Variants in SLC38A6 observed in about 807,000 individuals in gnomAD.
SLC38A6 encodes the protein N system amino acid transporter NAT-1.
Under a neutral mutation model 65.0 loss-of-function variants are expected in SLC38A6, and 73 were observed. The ratio of observed to expected loss-of-function variants is 1.12; its 90% confidence interval spans 0.93 to 1.37. The LOEUF is 1.37. Ranked by LOEUF, SLC38A6 falls within the 40% of genes most tolerant of loss-of-function variation. SLC38A6 has a pLI of 0.00. For missense variants in SLC38A6, 561 were observed against 531.1 expected (o/e 1.06, Z -0.55); for synonymous variants, 183 against 178.8 (o/e 1.02, Z -0.19).
intron 16 of SLC38A6, among the ~76,000 whole-genome samples, chr14:61,080,067 C>G (rs1407268400): frequency 6.6e-6 from 1 of 152,128 alleles, no homozygotes; most frequent in Non-Finnish European, 1.5e-5. Flanking sequence ...CTGTTAATAA[C>G]CTGAGATTGG....
At chr14:61,039,524 A>ATTTTTTT (rs5809078) in intron 8 of SLC38A6, among the ~76,000 whole-genome samples, 3 of 130,622 alleles carry the variant, frequency 2.3e-5, no homozygotes, top group Non-Finnish European at 3.2e-5. Context: ...GTGCATGCTA[A>ATTTTTTT]TTTTTTTTTT....
At chr14:61,050,165 A>C (rs1042155698) in intron 12 of SLC38A6, among the ~76,000 whole-genome samples, 3 of 152,174 alleles carry the variant, frequency 2.0e-5, no homozygotes, top group South Asian at 2.1e-4. Flanking sequence ...TATTGTTATC[A>C]TGGGGACTAA....
rs570318284 is a variant in SLC38A6, at chr14:61,025,047, G to A, written c.404-5398G>A. On this transcript the variant is annotated intron_variant, in intron 5 of 15. Transcript: ENST00000267488. ...AACCATAAACATTAGTAGTCTTACT[G>A]AAACCTCCTGAAATTGCTAGAATGA... 6.6e-5 allele frequency among the ~76,000 whole-genome samples: 10 copies of A among 152,238 alleles called. No individual in the cohort carries two copies. In the East Asian group the frequency reaches 1.9e-3, roughly 29 times the overall value.
At chr14:61,054,295 A>G (rs1055237912), downstream of SLC38A6, among the ~76,000 whole-genome samples, 1 of 152,172 alleles carries the variant, frequency 6.6e-6, no homozygotes, top group Admixed American at 6.5e-5. Context: ...TATAGTTTGA[A>G]GTGGGTTCAT....
At chr14:60,996,253 AT>A (rs747784999) in intron 3 of SLC38A6, among the ~76,000 whole-genome samples, 22 of 152,346 alleles carry the variant, frequency 1.4e-4, no homozygotes, top group Non-Finnish European at 2.4e-4. Flanking sequence ...GAAACAGACA[AT>A]ACAAGACCAG....
chr14:61,006,400 A>C (rs2039121893), intron 3 of SLC38A6, among the ~76,000 whole-genome samples: 1 of 152,232 alleles, frequency 6.6e-6, no homozygotes, highest in Non-Finnish European at 1.5e-5. Context: ...CAACCTACAA[A>C]ATGGGAGAAA....
At chr14:61,081,553 T>C (rs1032368296) in intron 16 of SLC38A6, among the ~76,000 whole-genome samples, 1 of 151,866 alleles carries the variant, frequency 6.6e-6, no homozygotes, top group African/African-American at 2.4e-5. Context: ...GGCGTAGTAG[T>C]GTGTGCCTGT....
At chr14:61,025,866 G>A (rs2040584384) in intron 5 of SLC38A6, among the ~76,000 whole-genome samples, 1 of 152,104 alleles carries the variant, frequency 6.6e-6, no homozygotes, top group Non-Finnish European at 1.5e-5. Context: ...GAATAAACCA[G>A]TTAGTATCCA....
intron 5 of SLC38A6, among the ~76,000 whole-genome samples, chr14:61,023,744 C>T (rs992201493): frequency 4.6e-5 from 7 of 151,722 alleles, no homozygotes; most frequent in African/African-American, 1.7e-4. Flanking sequence ...TGTGGTGAAT[C>T]CATGAAAAAA....
At chr14:61,019,286 T>C (rs2040207411) in intron 4 of SLC38A6, among the ~76,000 whole-genome samples, 3 of 152,194 alleles carry the variant, frequency 2.0e-5, no homozygotes, top group Admixed American at 6.5e-5. Flanking sequence ...TTTAACACTT[T>C]TAACAATTTA....
rs148464954 is a variant in SLC38A6, at chr14:61,076,800, A to G, written c.1291-2010A>G. On this transcript the variant is annotated intron_variant, in intron 15 of 16. Transcript: ENST00000354886. ...CAGCACTGTTGTTTCTCCTTTGTTA[A>G]GTATTTCAGAGGAAATTCTGGACAA... Among the ~76,000 whole-genome samples the G allele has an allele frequency of 3.6e-3, 541 of 152,298 alleles. 4 individuals carry two copies. The highest frequency in any genetic ancestry group is 0.012 in the African/African-American group (493 of 41,570).
chr14:61,051,491 A>G (rs769195276), intron 13 of SLC38A6, among the ~76,000 whole-genome samples: 6 of 152,042 alleles, frequency 3.9e-5, no homozygotes, highest in Non-Finnish European at 2.9e-5. Flanking sequence ...ATTCTTTGAG[A>G]CTTTTTTCAT....
chr14:61,013,160 A>G (rs563098296), intron 3 of SLC38A6, among the ~76,000 whole-genome samples: 147 of 152,000 alleles, frequency 9.7e-4, no homozygotes, highest in Admixed American at 1.7e-3. Context: ...GTCTCTTTTT[A>G]TCTTTGTTGG....
At position 61,050,518 on chromosome 14, in the gene SLC38A6, TG is replaced by T; in HGVS notation, c.934del (p.Glu312SerfsTer5). 1 of 1,517,136 alleles carries T rather than the reference TG, an allele frequency of 6.6e-7. No individual in the cohort carries two copies. The highest frequency in any genetic ancestry group is 9.0e-7 in the Non-Finnish European group (1 of 1,108,752). 94.0% of individuals were successfully genotyped at this position (1,517,136 alleles called of 1,614,324 possible). A position where few individuals can be genotyped will look rare whatever the true frequency, so the allele number is the denominator to read the frequency against. ...CTTATTATTTTATTTACAGACAAAG[TG>T]GAGTCAGAATTACTAAAAGGTTATA... ...LFGYLTFYDK[V>X]ESELLKGYSK... On this transcript the variant is annotated frameshift_variant, in exon 13 of 16. Coordinates refer to ENST00000267488, the MANE Select transcript of SLC38A6 (RefSeq NM_153811.3). LOFTEE classifies it high-confidence loss of function.
At chr14:61,045,132 TAGTACAGGCA>T (rs2042056726) in intron 10 of SLC38A6, among the ~76,000 whole-genome samples, 1 of 152,190 alleles carries the variant, frequency 6.6e-6, no homozygotes, top group South Asian at 2.1e-4. Flanking sequence ...ATATTCTGGC[TAGTACAGGCA>T]AGCCCACTAT....
intron 3 of SLC38A6, among the ~76,000 whole-genome samples, chr14:61,005,300 C>T (rs2039011235): frequency 8.3e-6 from 1 of 120,786 alleles, no homozygotes; most frequent in African/African-American, 2.7e-5. Flanking sequence ...CTCACCACTC[C>T]TATTCAACAT....
chr14:61,078,230 G>A (rs951340001), intron 15 of SLC38A6, among the ~76,000 whole-genome samples: 4 of 152,228 alleles, frequency 2.6e-5, no homozygotes, highest in Non-Finnish European at 1.5e-5. Context: ...TAGAGGTGGG[G>A]TTCACTGCCT....
intron 3 of SLC38A6, among the ~76,000 whole-genome samples, chr14:61,010,875 C>T (rs1350344591): frequency 2.0e-5 from 3 of 151,736 alleles, no homozygotes; most frequent in African/African-American, 7.3e-5. Context: ...GGCTCTTTTT[C>T]AGTTCCATAT....
At chr14:61,071,654 G>T (rs2043231346) in intron 15 of SLC38A6, among the ~76,000 whole-genome samples, 1 of 151,310 alleles carries the variant, frequency 6.6e-6, no homozygotes, top group Admixed American at 6.6e-5. Flanking sequence ...CTGCACTGTA[G>T]CCTGGGTGAC....
Sources: gnomAD v4.1 joint callset for allele counts (sites outside exome capture counted in the v4.1 genomes callset) on GRCh38, gnomAD v4.1.1 for gene constraint, MANE v1.5 for transcripts, NCBI Gene and HGNC (gene_info 2026-07-23, HGNC 2026-07-21) for gene names.